Variants in AHCYL1 observed in about 807,000 individuals in gnomAD.
AHCYL1 encodes the protein adenosylhomocysteinase like 1.
A neutral mutation model predicts 79.3 loss-of-function variants in AHCYL1; 20 were observed. The ratio of observed to expected loss-of-function variants is 0.25; its 90% CI spans 0.18 to 0.37. AHCYL1 has a LOEUF of 0.37. Ranked by LOEUF, AHCYL1 falls within the 10% of genes least tolerant of loss-of-function variation. The pLI is 1.00. For synonymous variants in AHCYL1, 223 were observed against 242.2 expected (o/e 0.92, Z 0.74); for missense variants, 330 against 673.6 (o/e 0.49, Z 5.65).
intron 5 of AHCYL1, among the ~76,000 whole-genome samples, chr1:110,013,379 TG>T (rs1204432107): frequency 1.3e-5 from 2 of 152,208 alleles, no homozygotes; most frequent in African/African-American, 4.8e-5. Context: ...TGAAAATATA[TG>T]AGCTATTTGT....
At chr1:110,002,562 T>C (rs1390232887) in intron 1 of AHCYL1, among the ~76,000 whole-genome samples, 3 of 152,212 alleles carry the variant, frequency 2.0e-5, no homozygotes, top group Non-Finnish European at 4.4e-5. Context: ...GATAGAAAAA[T>C]AGAAGTTGCG....
intron 1 of AHCYL1, among the ~76,000 whole-genome samples, chr1:109,993,983 G>A (rs1649893491): frequency 6.6e-6 from 1 of 152,164 alleles, no homozygotes; most frequent in Admixed American, 6.5e-5. Context: ...AGCTCCGTCC[G>A]GCAGTGATGA....
At chr1:110,020,706 T>C in intron 15 of AHCYL1, 25 bp from the exon 16 acceptor site, 1 of 1,575,464 alleles carries the variant, frequency 6.3e-7, no homozygotes, top group Non-Finnish European at 8.6e-7. Flanking sequence ...AGGAGTCTGC[T>C]CTCCTGCCAC....
At chr1:109,996,663 T>C (rs1175086229) in intron 1 of AHCYL1, among the ~76,000 whole-genome samples, 1 of 151,694 alleles carries the variant, frequency 6.6e-6, no homozygotes, top group South Asian at 2.1e-4. Context: ...AGAGAGACTT[T>C]AAATGACTGG....
chr1:110,008,036 T>C (rs1650774614), intron 1 of AHCYL1, among the ~76,000 whole-genome samples: 1 of 147,098 alleles, frequency 6.8e-6, no homozygotes, highest in Non-Finnish European at 1.5e-5. Context: ...TTTTTTTTTT[T>C]TTTTGAGACA....
At chr1:109,988,864 G>C (rs1355757774) in intron 1 of AHCYL1, among the ~76,000 whole-genome samples, 1 of 152,258 alleles carries the variant, frequency 6.6e-6, no homozygotes, top group African/African-American at 2.4e-5. Flanking sequence ...ACACCAAGTA[G>C]AGCCCCAATG....
At chr1:110,005,019 G>A (rs1468197253) in intron 1 of AHCYL1, among the ~76,000 whole-genome samples, 1 of 152,026 alleles carries the variant, frequency 6.6e-6, no homozygotes, top group African/African-American at 2.4e-5. Context: ...TAAGAAATAT[G>A]CTGACCATAA....
In AHCYL1 at chr1:110,021,760, C is replaced by T; in HGVS notation, c.*80C>T. 6.9e-7 allele frequency: 1 copy of T among 1,439,330 alleles called. No individual in the cohort carries two copies. The highest frequency in any genetic ancestry group is 1.2e-5 in the South Asian group (1 of 81,004). 89.2% of individuals were successfully genotyped at this position (1,439,330 alleles called of 1,614,324 possible). On this transcript the variant is annotated 3_prime_UTR_variant, in exon 17 of 17. Coordinates refer to ENST00000369799, the MANE Select transcript of AHCYL1 (RefSeq NM_006621.7). ...TTTTTAAGATAACTTTTATTTTCTTCTTACTCCTTTCCTCTTGATTTTTTT... is the reference window on the plus strand; with the variant it reads ...TTTTTAAGATAACTTTTATTTTCTTTTTACTCCTTTCCTCTTGATTTTTTT...
At chr1:110,012,804 G>A in intron 4 of AHCYL1, 93 bp from the exon 5 acceptor site, 1 of 906,726 alleles carries the variant, frequency 1.1e-6, no homozygotes, top group Non-Finnish European at 1.6e-6. Context: ...TGTTGGTGCA[G>A]AGTTGATAGG....
At chr1:109,987,158 T>C (rs1291732918) in intron 1 of AHCYL1, among the ~76,000 whole-genome samples, 2 of 152,224 alleles carry the variant, frequency 1.3e-5, no homozygotes, top group Non-Finnish European at 2.9e-5. Context: ...TGATGACTAA[T>C]TACCCTTTCC....
At chr1:110,017,622 G>C (rs746750687) in intron 10 of AHCYL1, 39 bp downstream of exon 10, 18 of 1,576,760 alleles carry the variant, frequency 1.1e-5, no homozygotes, top group Non-Finnish European at 1.6e-5. Context: ...TTCACTCTAG[G>C]TGCTTTATGT....
In AHCYL1 at chr1:109,985,007, AAG is replaced by A; in HGVS notation, c.-43_-42del. 1 of 1,483,182 alleles carries A rather than the reference AAG, an allele frequency of 6.7e-7. No individual in the cohort carries two copies. Among genetic ancestry groups the A allele is most frequent in the Non-Finnish European group, 9.0e-7 (1 of 1,112,938 alleles). 91.9% of individuals were successfully genotyped at this position (1,483,182 alleles called of 1,614,324 possible). On this transcript the variant is annotated 5_prime_UTR_variant, in exon 1 of 17. Coordinates refer to ENST00000369799, the MANE Select transcript of AHCYL1 (RefSeq NM_006621.7). ...CAGGCGGGCGGGCGCCAGAGGGGGA[AAG>A]AGGCGGGGGCGGCGGGTCAGCCGCT...
rs753225605 is a variant in AHCYL1 at position 110,011,301 on chromosome 1, T to G, written c.320T>G (p.Val107Gly). 6.2e-7 allele frequency: 1 copy of G among 1,613,600 alleles called. No homozygotes were observed. Among genetic ancestry groups the G allele is most frequent in the Non-Finnish European group, 8.5e-7 (1 of 1,179,864 alleles). Residue 107 changes from valine to glycine, a missense_variant, in exon 3 of 17, where the codon GTG (valine) becomes GGG (glycine). Around this residue, in one of 6 missense-constraint regions of AHCYL1, gnomAD observed 97 missense variants for 176.3 expected, o/e 0.55. Coordinates refer to ENST00000369799, the MANE Select transcript of AHCYL1 (RefSeq NM_006621.7). ...TCCAAGGGCAGCAGCAATTTCTGTGTGAAGAACATCAAGCAGGCAGAATTT... is the reference window on the plus strand; with the variant it reads ...TCCAAGGGCAGCAGCAATTTCTGTGGGAAGAACATCAAGCAGGCAGAATTT... ...TNSKGSSNFC[V>G]KNIKQAEFGR... is the part of the protein sequence containing the mutation.
At chr1:109,985,482 C>T (rs1177368956) in intron 1 of AHCYL1, 6 of 1,089,772 alleles carry the variant, frequency 5.5e-6, no homozygotes, top group Non-Finnish European at 6.7e-6. Context: ...GGGGGTGAAC[C>T]AACTCAGCTG....
At chr1:110,007,941 T>G (rs1650764337) in intron 1 of AHCYL1, among the ~76,000 whole-genome samples, 1 of 152,164 alleles carries the variant, frequency 6.6e-6, no homozygotes, top group Admixed American at 6.5e-5. Context: ...GCAAGCTATT[T>G]GCTATTGATT....
rs989407677 is a variant in AHCYL1, at chr1:110,004,498, T to C, written c.121-4536T>C. On this transcript the variant is annotated intron_variant, in intron 1 of 16. Transcript: ENST00000369799. ...GTGTTGGGAAGGGAATTCCTTTCTTTGGGAAACACTTTTTTTTTTACTTGA... is the reference window on the plus strand; with the variant it reads ...GTGTTGGGAAGGGAATTCCTTTCTTCGGGAAACACTTTTTTTTTTACTTGA... 17 of 985,228 alleles carry C rather than the reference T, an allele frequency of 1.7e-5. No homozygotes were observed. In the African/African-American group the frequency reaches 2.8e-4, roughly 16 times the overall value. The allele number at this position is 985,228 out of a possible 1,614,324, so 61.0% of individuals were successfully genotyped here.
At chr1:110,015,556 C>T (rs1353899103) in intron 7 of AHCYL1, 25 bp downstream of exon 7, 1 of 1,593,726 alleles carries the variant, frequency 6.3e-7, no homozygotes, top group Non-Finnish European at 8.6e-7. Context: ...AGTAGCTGCC[C>T]CTTGTGTCCT....
rs534958536 is a variant in AHCYL1 at position 110,016,519 on chromosome 1, A to G, written c.899+59A>G. The G allele has an allele frequency of 2.5e-6, 4 of 1,571,056 alleles. No individual in the cohort carries two copies. The African/African-American group carries it at 5.5e-5, about 21-fold the overall frequency. On this transcript the variant is annotated intron_variant, in intron 8 of 16. Coordinates refer to ENST00000369799, the MANE Select transcript of AHCYL1 (RefSeq NM_006621.7). ...GGGCTCTGGTCTTCCTTTGGCTTTAAAAGTTTATTAGAGGGACCATTTCAT... is the reference window on the plus strand; with the variant it reads ...GGGCTCTGGTCTTCCTTTGGCTTTAGAAGTTTATTAGAGGGACCATTTCAT...
intron 15 of AHCYL1, among the ~76,000 whole-genome samples, chr1:110,020,324 G>T (rs868154948): frequency 2.2e-4 from 33 of 152,326 alleles, no homozygotes; most frequent in African/African-American, 7.9e-4. Flanking sequence ...TATTGACACA[G>T]GGTCTTTCTA....
Sources: gnomAD v4.1 joint callset for allele counts (sites outside exome capture counted in the v4.1 genomes callset) on GRCh38, gnomAD v4.1.1 for gene constraint, gnomAD v4.1.1 regional missense constraint, MANE v1.5 for transcripts, NCBI Gene and HGNC (gene_info 2026-07-23, HGNC 2026-07-21) for gene names.